The following KIAA0825 variants were observed in gnomAD, a reference collection of about 807,000 sequenced individuals.
The protein encoded by KIAA0825 is KIAA0825, also known as uncharacterized protein KIAA0825.
In KIAA0825, 119 loss-of-function variants were observed where a neutral mutation model predicts 147.6. The observed-to-expected ratio is 0.81, with a 90% CI of 0.69 to 0.94. The LOEUF (loss-of-function observed/expected upper bound fraction) is 0.94, where lower values mean the gene tolerates loss of function less well. Ranked by LOEUF, KIAA0825 falls within the 40% of genes least tolerant of loss-of-function variation. The pLI is 0.00. For missense variants in KIAA0825, 1,381 were observed against 1,472.7 expected (o/e 0.94, Z 1.02); for synonymous variants, 470 against 518.1 (o/e 0.91, Z 1.26).
At chr5:94,154,798 C>A (rs1766882648) in intron 20 of KIAA0825, among the ~76,000 whole-genome samples, 1 of 152,152 alleles carries the variant, frequency 6.6e-6, no homozygotes, top group South Asian at 2.1e-4. Context: ...AAGTAAATAT[C>A]ATCACAATAA....
At chr5:94,224,082 C>CTTTTTTTTTTTTTTTTTTTTTTTTTTTT (rs869059424) in intron 20 of KIAA0825, among the ~76,000 whole-genome samples, 6 of 56,434 alleles carry the variant, frequency 1.1e-4, no homozygotes, top group Non-Finnish European at 1.3e-4. Flanking sequence ...TTTTTCTTTT[C>CTTTTTTTTTTTTTTTTTTTTTTTTTTTT]TTTTTTTTTT....
At chr5:94,504,967 C>G (rs6885237) in intron 5 of KIAA0825, among the ~76,000 whole-genome samples, 1 of 151,644 alleles carries the variant, frequency 6.6e-6, no homozygotes, top group East Asian at 2.0e-4. Flanking sequence ...AGGATGGTCT[C>G]GAACTCCTGA....
chr5:94,190,116 T>C (rs1338143136), intron 20 of KIAA0825, among the ~76,000 whole-genome samples: 1 of 152,230 alleles, frequency 6.6e-6, no homozygotes, highest in African/African-American at 2.4e-5. Flanking sequence ...CCAGTTTTTA[T>C]ATTGACTTTG....
chr5:94,529,339 G>GTATATATCATATATGTA (rs1770205092), intron 3 of KIAA0825, among the ~76,000 whole-genome samples: 1 of 101,954 alleles, frequency 9.8e-6, no homozygotes, highest in Non-Finnish European at 2.1e-5. Flanking sequence ...TCATATATAT[G>GTATATATCATATATGTA]TATATATCAT....
intron 20 of KIAA0825, among the ~76,000 whole-genome samples, chr5:94,196,328 G>A (rs1771125628): frequency 6.6e-6 from 1 of 152,182 alleles, no homozygotes; most frequent in African/African-American, 2.4e-5. Context: ...GCTTTTGGAG[G>A]AATCCAACTA....
At chr5:94,230,801 CT>C (rs1774624452) in intron 20 of KIAA0825, among the ~76,000 whole-genome samples, 1 of 152,162 alleles carries the variant, frequency 6.6e-6, no homozygotes, top group South Asian at 2.1e-4. Flanking sequence ...ATGGACAGAG[CT>C]AGGTACTGTG....
At position 94,618,558 on chromosome 5, in the gene KIAA0825, C is replaced by A. The variant is rs1302806154; in HGVS notation, c.-211G>T. 6.5e-6 allele frequency: 1 copy of A among 153,720 alleles called. No homozygotes were observed. The highest frequency in any genetic ancestry group is 2.4e-5 in the African/African-American group (1 of 41,490). The allele number at this position is 153,720 out of a possible 1,614,324, so 9.5% of individuals were successfully genotyped here. ...GCCTGACCCGCTGGCCAGACTCAAGCTCTGCACCAGGTATTACCACCCTGG... is the reference window on the plus strand; with the variant it reads ...GCCTGACCCGCTGGCCAGACTCAAGATCTGCACCAGGTATTACCACCCTGG... On this transcript the variant is annotated 5_prime_UTR_variant, in exon 1 of 21. Coordinates refer to ENST00000682413, the MANE Select transcript of KIAA0825 (RefSeq NM_001145678.3).
intron 20 of KIAA0825, among the ~76,000 whole-genome samples, chr5:94,268,374 C>T (rs1346404016): frequency 6.6e-6 from 1 of 152,088 alleles, no homozygotes; most frequent in African/African-American, 2.4e-5. Context: ...GCAGAATACA[C>T]AAGCAGCTGC....
At chr5:94,590,822 A>C (rs1235518453) in intron 1 of KIAA0825, among the ~76,000 whole-genome samples, 2 of 152,254 alleles carry the variant, frequency 1.3e-5, no homozygotes, top group Non-Finnish European at 2.9e-5. Context: ...ATAAAGAGAA[A>C]AAAGTAGTAA....
At chr5:94,603,279 T>C (rs999747358) in intron 1 of KIAA0825, among the ~76,000 whole-genome samples, 3 of 152,172 alleles carry the variant, frequency 2.0e-5, no homozygotes, top group African/African-American at 7.2e-5. Context: ...TTTAGCATTC[T>C]TAAAGAAAAG....
At chr5:94,201,048 T>C (rs1449521254) in intron 20 of KIAA0825, among the ~76,000 whole-genome samples, 1 of 147,796 alleles carries the variant, frequency 6.8e-6, no homozygotes, top group Non-Finnish European at 1.5e-5. Flanking sequence ...TTTATTAAAC[T>C]GTAGCAGTAT....
chr5:94,224,065 CTCTT>C (rs1303891936), intron 20 of KIAA0825, among the ~76,000 whole-genome samples: 11 of 121,482 alleles, frequency 9.1e-5, no homozygotes, highest in African/African-American at 3.0e-4. Context: ...CTTTTCTTTT[CTCTT>C]TCTTTTTCTT....
intron 8 of KIAA0825, 101 bp from the exon 9 acceptor site, chr5:94,471,832 A>G: frequency 9.6e-7 from 1 of 1,041,546 alleles, no homozygotes; most frequent in Non-Finnish European, 1.4e-6. Context: ...ATTTGGCATC[A>G]AACATAAATA....
intron 20 of KIAA0825, among the ~76,000 whole-genome samples, chr5:94,171,492 G>A (rs1325697583): frequency 1.3e-5 from 2 of 152,108 alleles, no homozygotes; most frequent in Non-Finnish European, 1.5e-5. Context: ...AGTTGTATGA[G>A]GGTAGAGACC....
rs143676278 is a variant in KIAA0825, at chr5:94,458,744, C to CTT, written c.2246+3641_2246+3642dup. On this transcript the variant is annotated intron_variant, in intron 12 of 20. Transcript: ENST00000682413. ...GAAAATTTTGCATTCTGCCAGATACCTTTTTTTTAAAAAAAAAAAATCATT... is the reference window on the plus strand; with the variant it reads ...GAAAATTTTGCATTCTGCCAGATACCTTTTTTTTTTAAAAAAAAAAAATCATT... Among the ~76,000 whole-genome samples the CTT allele has an allele frequency of 4.4e-3, 656 of 148,828 alleles. 3 individuals carry two copies. The highest frequency in any genetic ancestry group is 0.016 in the African/African-American group (627 of 39,772).
At chr5:94,544,233 T>C (rs937362887) in intron 2 of KIAA0825, among the ~76,000 whole-genome samples, 1 of 152,252 alleles carries the variant, frequency 6.6e-6, no homozygotes, top group African/African-American at 2.4e-5. Context: ...TAGAATCTGT[T>C]CTGCTTCTCA....
At chr5:94,546,612 T>C (rs1448425334) in intron 2 of KIAA0825, among the ~76,000 whole-genome samples, 1 of 152,074 alleles carries the variant, frequency 6.6e-6, no homozygotes, top group Admixed American at 6.5e-5. Flanking sequence ...TGAATTCTCC[T>C]GGATCATATC....
At chr5:94,351,753 T>C (rs1783695899) in intron 20 of KIAA0825, among the ~76,000 whole-genome samples, 1 of 152,072 alleles carries the variant, frequency 6.6e-6, no homozygotes, top group African/African-American at 2.4e-5. Context: ...CATAGCCCAA[T>C]GGAACAGAAT....
chr5:94,467,219 A>C (rs1191068792), intron 10 of KIAA0825, among the ~76,000 whole-genome samples: 1 of 152,230 alleles, frequency 6.6e-6, no homozygotes, highest in Non-Finnish European at 1.5e-5. Context: ...TTTTAAATTC[A>C]TACAACTTCA....
Sources: allele counts gnomAD v4.1 joint callset (sites outside exome capture counted in the v4.1 genomes callset), GRCh38; gene constraint gnomAD v4.1.1; transcripts MANE v1.5; gene names NCBI Gene and HGNC (gene_info 2026-07-23, HGNC 2026-07-21).